TNFRSF10D: variants seen among roughly 807,000 people sequenced by gnomAD.
TNFRSF10D encodes the protein TNF receptor superfamily member 10d, also known as tumor necrosis factor receptor superfamily member 10D.
TNFRSF10D carries 28 observed loss-of-function variants against 42.1 expected under a neutral mutation model. That is an observed-to-expected ratio of 0.66 (90% CI 0.49 to 0.91). The LOEUF is 0.91. Ranked by LOEUF, TNFRSF10D falls within the 40% of genes least tolerant of loss-of-function variation. The pLI is 0.00. For missense variants in TNFRSF10D, 503 were observed against 486.1 expected, an observed-to-expected ratio of 1.03 and a Z score of -0.33; for synonymous variants, 186 against 189.4, an observed-to-expected ratio of 0.98 and a Z score of 0.15.
intron 5 of TNFRSF10D, among the ~76,000 whole-genome samples, 179 bp downstream of exon 5, chr8:23,145,489 A>G (rs1465867175): frequency 2.0e-5 from 3 of 152,132 alleles, no homozygotes; most frequent in African/African-American, 7.2e-5. Context: ...GGGACTGATG[A>G]GACCAGGGTC....
chr8:23,160,728 G>A (rs1489860427), intron 1 of TNFRSF10D, among the ~76,000 whole-genome samples: 1 of 152,176 alleles, frequency 6.6e-6, no homozygotes, highest in East Asian at 1.9e-4. Flanking sequence ...TGCCACTCCT[G>A]GATACAGGAC....
At chr8:23,139,678 C>G (rs1814409765) in intron 7 of TNFRSF10D, among the ~76,000 whole-genome samples, 1 of 152,084 alleles carries the variant, frequency 6.6e-6, no homozygotes. Context: ...AAGTCCTAGT[C>G]AGAGCACTCA....
rs750153116 is a variant in TNFRSF10D at position 23,146,976 on chromosome 8, C to T, written c.467G>A (p.Arg156Gln). ...FQDKNSPEMC[R>Q]TCRTGCPRGM... ...GCTGTCTTACCCTGTTCTACACGTCCGGCACATCTCAGGGGAGTTTTTATC... is the reference window on the plus strand; with the variant it reads ...GCTGTCTTACCCTGTTCTACACGTCTGGCACATCTCAGGGGAGTTTTTATC... Residue 156 changes from arginine to glutamine, a missense_variant, in exon 4 of 9, where the codon CGG (arginine) becomes CAG (glutamine). Physicochemically the swap from Arg to Gln is conservative, Grantham distance 43. Coordinates refer to ENST00000312584, the MANE Select transcript of TNFRSF10D (RefSeq NM_003840.5). The T allele has an allele frequency of 5.0e-6, 8 of 1,614,086 alleles. No individual in the cohort carries two copies. In the East Asian group the frequency reaches 1.1e-4, roughly 22 times the overall value.
At chr8:23,148,677 G>A in intron 2 of TNFRSF10D, 126 bp from the exon 3 acceptor site, 1 of 605,700 alleles carries the variant, frequency 1.7e-6, no homozygotes. Context: ...TTCTTGGCTT[G>A]GTCTTGTCAT....
chr8:23,146,220 C>T (rs1042498307), intron 4 of TNFRSF10D, among the ~76,000 whole-genome samples: 2 of 152,158 alleles, frequency 1.3e-5, no homozygotes, highest in Non-Finnish European at 2.9e-5. Context: ...TAGGAGGAGC[C>T]GCACTCCAGG....
chr8:23,151,527 G>A (rs921443745), intron 2 of TNFRSF10D, among the ~76,000 whole-genome samples: 3 of 152,268 alleles, frequency 2.0e-5, no homozygotes, highest in African/African-American at 4.8e-5. Flanking sequence ...AATCATAATA[G>A]TGTACAAATT....
At chr8:23,153,345 G>A (rs2051539805) in intron 2 of TNFRSF10D, among the ~76,000 whole-genome samples, 1 of 152,216 alleles carries the variant, frequency 6.6e-6, no homozygotes, top group African/African-American at 2.4e-5. Flanking sequence ...AAAAGCACAG[G>A]CAACAAAAGC....
chr8:23,163,441 G>C (rs1048416485), intron 1 of TNFRSF10D, among the ~76,000 whole-genome samples: 1 of 149,948 alleles, frequency 6.7e-6, no homozygotes. Flanking sequence ...ACGAACGAAC[G>C]AAAGAGGCAA....
chr8:23,140,117 A>T (rs60535259), intron 7 of TNFRSF10D, among the ~76,000 whole-genome samples: 1 of 151,874 alleles, frequency 6.6e-6, no homozygotes, highest in Non-Finnish European at 1.5e-5. Flanking sequence ...GTGAAACCCC[A>T]CCTCTACTAA....
intron 2 of TNFRSF10D, among the ~76,000 whole-genome samples, chr8:23,151,498 G>T (rs568147670): frequency 1.3e-5 from 2 of 152,140 alleles, no homozygotes; most frequent in Non-Finnish European, 2.9e-5. Context: ...ACATGGTCAA[G>T]TTCAGAATAT....
chr8:23,140,226 T>C (rs1814434665), intron 7 of TNFRSF10D, among the ~76,000 whole-genome samples: 1 of 152,078 alleles, frequency 6.6e-6, no homozygotes, highest in Non-Finnish European at 1.5e-5. Context: ...GAGGTGGAGC[T>C]TGCAGTGAGC....
intron 7 of TNFRSF10D, among the ~76,000 whole-genome samples, chr8:23,139,547 A>G (rs1814406871): frequency 6.6e-6 from 1 of 152,266 alleles, no homozygotes; most frequent in East Asian, 1.9e-4. Context: ...GGTAAGAGCC[A>G]TCTATGACAA....
intron 3 of TNFRSF10D, among the ~76,000 whole-genome samples, chr8:23,147,670 T>A (rs1800142932): frequency 1.3e-5 from 2 of 152,138 alleles, no homozygotes; most frequent in South Asian, 4.1e-4. Flanking sequence ...CTCACACCTG[T>A]AATCACAGCA....
In TNFRSF10D at chr8:23,135,783, T is replaced by C. The variant is rs191716187; in HGVS notation, c.*2087A>G. 1,448 of 420,452 alleles carry C rather than the reference T, an allele frequency of 3.4e-3. No individual in the cohort carries two copies. Among genetic ancestry groups the C allele is most frequent in the African/African-American group, 0.016 (785 of 48,714 alleles). 26.0% of individuals were successfully genotyped at this position (420,452 alleles called of 1,614,324 possible). On this transcript the variant is annotated 3_prime_UTR_variant, in exon 9 of 9. Coordinates refer to ENST00000312584, the MANE Select transcript of TNFRSF10D (RefSeq NM_003840.5). The stretch of plus-strand genomic sequence containing the variant: ...TAAGCTTAAACACTGATAAGGCTGG[T>C]AGTCTAGATGCATCTTCAAGGAAGG...
intron 2 of TNFRSF10D, among the ~76,000 whole-genome samples, chr8:23,149,015 C>A (rs1027232048): frequency 4.6e-5 from 7 of 151,096 alleles, no homozygotes; most frequent in African/African-American, 9.7e-5. Flanking sequence ...ACAGTGAAAC[C>A]CCATCTCTAC....
chr8:23,145,184 G>C, intron 5 of TNFRSF10D, 95 bp from the exon 6 acceptor site: 1 of 1,512,622 alleles, frequency 6.6e-7, no homozygotes, highest in Non-Finnish European at 9.0e-7. Context: ...CTGGGGGCTG[G>C]GACACTGGAC....
At chr8:23,139,959 C>T (rs1479381825) in intron 7 of TNFRSF10D, among the ~76,000 whole-genome samples, 1 of 152,166 alleles carries the variant, frequency 6.6e-6, no homozygotes, top group Non-Finnish European at 1.5e-5. Flanking sequence ...GCACGACCAA[C>T]ATGGTGAAAC....
intron 7 of TNFRSF10D, among the ~76,000 whole-genome samples, chr8:23,141,823 C>T (rs1800023848): frequency 6.6e-6 from 1 of 152,138 alleles, no homozygotes; most frequent in Admixed American, 6.5e-5. Context: ...ACAGTAAATG[C>T]TGGCGAGACT....
At position 23,150,582 on chromosome 8, in the gene TNFRSF10D, A is replaced by G. The variant is rs866742750; in HGVS notation, c.257-2031T>C. On this transcript the variant is annotated intron_variant, in intron 2 of 8. Coordinates refer to ENST00000312584, the MANE Select transcript of TNFRSF10D (RefSeq NM_003840.5). ...AGGAATAGACATTTACAACAGCCTG[A>G]CAAAGACTTGAAAACAGTCATCTTA... is the stretch of plus-strand genomic sequence containing the variant. Among the ~76,000 whole-genome samples the G allele has an allele frequency of 2.0e-5, 3 of 152,274 alleles. No homozygotes were observed. In the South Asian group the frequency reaches 6.2e-4, roughly 32 times the overall value.
Sources: gnomAD v4.1 joint callset for allele counts (sites outside exome capture counted in the v4.1 genomes callset) on GRCh38, gnomAD v4.1.1 for gene constraint, MANE v1.5 for transcripts, NCBI Gene and HGNC (gene_info 2026-07-23, HGNC 2026-07-21) for gene names.